RAI1: variants seen among roughly 807,000 people sequenced by gnomAD.
The protein encoded by RAI1 is retinoic acid induced 1.
In RAI1, 9 loss-of-function variants were observed where a neutral mutation model predicts 123.8. The ratio of observed to expected loss-of-function variants is 0.07; its 90% CI spans 0.04 to 0.13. The LOEUF is 0.13. RAI1 is among the 10% of genes least tolerant of loss of function. RAI1 has a pLI of 1.00. For missense variants in RAI1, 2,256 were observed against 2,545.8 expected (o/e 0.89, Z 2.45); for synonymous variants, 1,231 against 1,127.3 (o/e 1.09, Z -1.84).
At chr17:17,704,507 G>A (rs1303483724) in intron 1 of RAI1, among the ~76,000 whole-genome samples, 18 of 152,126 alleles carry the variant, frequency 1.2e-4, no homozygotes, top group African/African-American at 3.6e-4. Flanking sequence ...CACCCGTGCC[G>A]GGCAGTGGGG....
intron 4 of RAI1, among the ~76,000 whole-genome samples, chr17:17,804,417 G>A (rs141290300): frequency 6.2e-4 from 95 of 152,270 alleles, no homozygotes; most frequent in Middle Eastern, 6.8e-3. Context: ...CATTTGTTCC[G>A]CAAGCATTTG....
At chr17:17,791,159 T>C (rs1224328311) in intron 2 of RAI1, among the ~76,000 whole-genome samples, 1 of 152,106 alleles carries the variant, frequency 6.6e-6, no homozygotes, top group Non-Finnish European at 1.5e-5. Flanking sequence ...CTGGGCTGAC[T>C]CTCCTGCATT....
chr17:17,727,355 A>G (rs1428540074), intron 2 of RAI1, among the ~76,000 whole-genome samples: 3 of 152,248 alleles, frequency 2.0e-5, no homozygotes, highest in Non-Finnish European at 4.4e-5. Flanking sequence ...AGACCCAGCT[A>G]CTGATTTGCC....
intron 2 of RAI1, among the ~76,000 whole-genome samples, chr17:17,728,760 TAC>T (rs1916173881): frequency 6.6e-6 from 1 of 152,212 alleles, no homozygotes; most frequent in African/African-American, 2.4e-5. Context: ...GTTCCAGTTT[TAC>T]AGAGAAGTGA....
At position 17,794,258 on chromosome 17, in the gene RAI1, C is replaced by T. The variant is rs767340319; in HGVS notation, c.1310C>T (p.Ala437Val). Residue 437 changes from alanine (A) to valine (V), a missense_variant, in exon 3 of 6, where the codon GCG becomes GTG. Physicochemically the swap from Ala to Val is moderately conservative, Grantham distance 64 (BLOSUM62 0). Transcript: ENST00000353383. ...LSDLSLQSLT[A>V]LTSQVENISN... ...GATCTCAGCCTGCAGAGCCTCACGG[C>T]GCTGACCTCACAGGTGGAGAACATC... The T allele has an allele frequency of 4.3e-6, 7 of 1,613,346 alleles. No homozygotes were observed. The highest frequency in any genetic ancestry group is 1.1e-5 in the South Asian group (1 of 91,092).
chr17:17,693,717 A>G (rs1246645236), intron 1 of RAI1, among the ~76,000 whole-genome samples: 2 of 152,232 alleles, frequency 1.3e-5, no homozygotes. Context: ...CAGAGAAAGC[A>G]AACAAACAGG....
intron 2 of RAI1, among the ~76,000 whole-genome samples, chr17:17,727,272 G>C (rs1263510420): frequency 6.6e-6 from 1 of 152,254 alleles, no homozygotes; most frequent in African/African-American, 2.4e-5. Context: ...TTTGACAGAA[G>C]AGGAAGCCAG....
intron 1 of RAI1, among the ~76,000 whole-genome samples, chr17:17,713,569 A>T (rs1200987793): frequency 6.6e-6 from 1 of 152,188 alleles, no homozygotes; most frequent in African/African-American, 2.4e-5. Context: ...TGAACCCAGG[A>T]GGTGGAGGTT....
chr17:17,745,343 C>T (rs1314454749), intron 2 of RAI1, among the ~76,000 whole-genome samples: 1 of 151,552 alleles, frequency 6.6e-6, no homozygotes, highest in Non-Finnish European at 1.5e-5. Context: ...GGTTCTGGAT[C>T]TTGGATGCCA....
chr17:17,802,055 G>C (rs948144604), intron 3 of RAI1: 3 of 470,612 alleles, frequency 6.4e-6, no homozygotes, highest in African/African-American at 6.0e-5. Context: ...TGGCACTGTG[G>C]CTCTGGCGCC....
chr17:17,735,865 C>G (rs934361561), intron 2 of RAI1, among the ~76,000 whole-genome samples: 1 of 152,250 alleles, frequency 6.6e-6, no homozygotes, highest in African/African-American at 2.4e-5. Context: ...TTTGCCAACC[C>G]AGCCTGGTTG....
intron 1 of RAI1, among the ~76,000 whole-genome samples, chr17:17,717,673 CCACCT>C (rs1211372534): frequency 1.3e-5 from 2 of 152,176 alleles, no homozygotes; most frequent in Admixed American, 1.3e-4. Flanking sequence ...CTCCTGCCCC[CCACCT>C]GGGCCCTCTG....
In RAI1 at chr17:17,811,224, C is replaced by A. The variant is rs1567944702; in HGVS notation, c.*1243C>A. 1 of 326,076 alleles carries A rather than the reference C, an allele frequency of 3.1e-6. No individual in the cohort carries two copies. Among genetic ancestry groups the A allele is most frequent in the South Asian group, 2.5e-5 (1 of 39,260 alleles). 20.2% of individuals were successfully genotyped at this position (326,076 alleles called of 1,614,324 possible). A position where few individuals can be genotyped will look rare whatever the true frequency, so the allele number is the denominator to read the frequency against. On this transcript the variant is annotated 3_prime_UTR_variant, in exon 6 of 6. Transcript: ENST00000353383. ...TAAACGTGTGTATTATATCTGGCCT[C>A]GTTATATAGTGTATATATATGTATA...
Position 17,795,675 on chromosome 17 carries a change from C to T in RAI1, c.2727C>T (p.Asp909=). The T allele has an allele frequency of 6.2e-7, 1 of 1,613,372 alleles. No individual in the cohort carries two copies. Residue 909 remains aspartate (D), a synonymous_variant, in exon 3 of 6, where the codon GAC becomes GAT. Transcript: ENST00000353383. The surrounding 1 kb of genome is among the most constrained non-coding windows in gnomAD (Gnocchi z 5.9). ...CTKEEVEEVL[D]SKAGWGSPCH... is the part of the protein sequence containing the mutation. ...AGGAGGAGGTGGAGGAGGTGCTGGA[C>T]TCCAAGGCCGGCTGGGGCTCTCCGT...
chr17:17,754,982 G>C (rs2030373808), intron 2 of RAI1, among the ~76,000 whole-genome samples: 1 of 152,244 alleles, frequency 6.6e-6, no homozygotes. Flanking sequence ...ATGAACACAG[G>C]CTTTGGAGTG....
At position 17,796,671 on chromosome 17, in the gene RAI1, G is replaced by GCGGAGC. The variant is rs1169402682; in HGVS notation, c.3726_3731dup (p.Arg1244_Ser1245dup). 12 of 1,612,726 alleles carry GCGGAGC rather than the reference G, an allele frequency of 7.4e-6. No individual in the cohort carries two copies. In the African/African-American group the frequency reaches 1.6e-4, roughly 22 times the overall value. ...CCACCAAGAAGCGGAACCTGGTCTTGCGGAGCCGCAGCAGCAGCAGCAGCA... is the reference window on the plus strand; with the variant it reads ...CCACCAAGAAGCGGAACCTGGTCTTGCGGAGCCGGAGCCGCAGCAGCAGCAGCAGCA... On this transcript the variant is annotated inframe_insertion, in exon 3 of 6. Transcript: ENST00000353383. The surrounding 1 kb of genome is among the most constrained non-coding windows in gnomAD (Gnocchi z 5.8).
At position 17,793,437 on chromosome 17, in the gene RAI1, G is replaced by A. The variant is rs2032099003; in HGVS notation, c.489G>A (p.Gln163=). 6.2e-7 allele frequency: 1 copy of A among 1,613,338 alleles called. No individual in the cohort carries two copies. Among genetic ancestry groups the A allele is most frequent in the Non-Finnish European group, 8.5e-7 (1 of 1,179,670 alleles). The change falls in exon 3 of 6, where the codon CAG becomes CAA. Residue 163 remains glutamine, a synonymous_variant. Coordinates refer to ENST00000353383, the MANE Select transcript of RAI1 (RefSeq NM_030665.4). ...GGCAGTATGCAGAGCAGGGCGCCCA[G>A]GTGCCCTTTCGGACTCACTCCCTGC... ...PSRQYAEQGA[Q]VPFRTHSLHV... is the part of the protein sequence containing the mutation.
chr17:17,730,679 G>A (rs1411967883), intron 2 of RAI1, among the ~76,000 whole-genome samples: 2 of 152,256 alleles, frequency 1.3e-5, no homozygotes, highest in Non-Finnish European at 2.9e-5. Flanking sequence ...GGACGGCAAA[G>A]CTGGGGCTCC....
At chr17:17,690,419 C>T (rs913852212) in intron 1 of RAI1, among the ~76,000 whole-genome samples, 2 of 151,410 alleles carry the variant, frequency 1.3e-5, no homozygotes, top group East Asian at 3.9e-4. Context: ...ATTTCAGTCT[C>T]AAGTATGAAA....
Sources: gnomAD v4.1 joint callset for allele counts (sites outside exome capture counted in the v4.1 genomes callset) on GRCh38, gnomAD v4.1.1 for gene constraint, Gnocchi (gnomAD v3.1) non-coding constraint, MANE v1.5 for transcripts, NCBI Gene and HGNC (gene_info 2026-07-23, HGNC 2026-07-21) for gene names.